The following USP35 variants were observed in gnomAD, a reference collection of about 807,000 sequenced individuals.
USP35 encodes the protein ubiquitin specific peptidase 35, also known as ubiquitin carboxyl-terminal hydrolase 35.
In USP35, 69 loss-of-function variants were observed where a neutral mutation model predicts 83.8. The observed-to-expected ratio is 0.82, with a 90% confidence interval of 0.68 to 1.01. USP35 has a LOEUF of 1.01. Among genes scored for constraint, USP35 ranks in the 50% least tolerant of loss-of-function variants. USP35 has a pLI of 0.00. For synonymous variants in USP35, 714 were observed against 589.5 expected, an observed-to-expected ratio of 1.21 and a Z score of -3.06; for missense variants, 1,503 against 1,362.5, an observed-to-expected ratio of 1.10 and a Z score of -1.62.
the USP35 span, chr11:78,231,894 T>A: frequency 6.6e-6 from 1 of 152,260 alleles, no homozygotes; most frequent in East Asian, 1.9e-4. Context: ...TAGAGTTCTG[T>A]AACTGTCACT....
chr11:78,196,163 A>C lies in USP35; in HGVS notation c.-10-73A>C. 1 of 1,478,638 alleles carries C rather than the reference A, an allele frequency of 6.8e-7. No homozygotes were observed. Among genetic ancestry groups the C allele is most frequent in the African/African-American group, 1.5e-5 (1 of 67,906 alleles). 91.6% of individuals were successfully genotyped at this position (1,478,638 alleles called of 1,614,324 possible). A position where few individuals can be genotyped will look rare whatever the true frequency, so the allele number is the denominator to read the frequency against. On this transcript the variant is annotated intron_variant, in intron 1 of 10. Coordinates refer to ENST00000529308, the MANE Select transcript of USP35 (RefSeq NM_020798.4). The surrounding 1 kb of genome is among the most constrained non-coding windows in gnomAD (Gnocchi z 4.8). ...TGAGTTGCTTGCCCTAAGTCTCAGC[A>C]CTCGGGGACTGCACCGGGAACTCTT...
In USP35 at chr11:78,210,395, T is replaced by G; in HGVS notation, c.2540T>G (p.Leu847Arg). 1 of 1,613,946 alleles carries G rather than the reference T, an allele frequency of 6.2e-7. No homozygotes were observed. Among genetic ancestry groups the G allele is most frequent in the Non-Finnish European group, 8.5e-7 (1 of 1,180,032 alleles). The change falls in exon 10 of 11, where the codon CTC (leucine) becomes CGC (arginine). Residue 847 changes from leucine to arginine, a missense_variant. Physicochemically the swap from Leu to Arg is moderately radical, Grantham distance 102 (BLOSUM62 -2). Transcript: ENST00000529308. ...GGTGGCCGTGGCCAGGCCTATGACC[T>G]CTGCAGTGTGGTGGTGCACTCTGGA... is the stretch of plus-strand genomic sequence containing the variant. ...LAGGRGQAYD[L>R]CSVVVHSGVS...
At chr11:78,221,334 T>TCACCACTGAGGAGATACCTC in the USP35 span, among the ~76,000 whole-genome samples, 1 of 152,180 alleles carries the variant, frequency 6.6e-6, no homozygotes, top group Non-Finnish European at 1.5e-5. Context: ...CGTATGCCTC[T>TCACCACTGAGGAGATACCTC]CACCACTGAG....
the USP35 span, among the ~76,000 whole-genome samples, chr11:78,221,220 GGT>G: frequency 2.0e-5 from 3 of 152,232 alleles, no homozygotes; most frequent in Non-Finnish European, 4.4e-5. Context: ...GTGACTACCA[GGT>G]GCTGGGCAGT....
At position 78,213,975 on chromosome 11, in the gene USP35, T is replaced by TAAGACC. The variant is rs1555089834; in HGVS notation, c.*163_*168dup. On this transcript the variant is annotated 3_prime_UTR_variant, in exon 11 of 11. Coordinates refer to ENST00000529308, the MANE Select transcript of USP35 (RefSeq NM_020798.4). ...ACAGAGATTCTCTCAGATATGGAAG[T>TAAGACC]AAGACCTAAGTCCCTTTCATTGGGG... 8 of 738,260 alleles carry TAAGACC rather than the reference T, an allele frequency of 1.1e-5. No homozygotes were observed. Among genetic ancestry groups the TAAGACC allele is most frequent in the African/African-American group, 3.7e-5 (2 of 53,496 alleles). The allele number at this position is 738,260 out of a possible 1,614,324, so 45.7% of individuals were successfully genotyped here. A position where few individuals can be genotyped will look rare whatever the true frequency, so the allele number is the denominator to read the frequency against.
chr11:78,222,958 C>G, the USP35 span, among the ~76,000 whole-genome samples: 5 of 152,144 alleles, frequency 3.3e-5, no homozygotes, highest in African/African-American at 1.2e-4. Flanking sequence ...CAGGTCGGTG[C>G]AAGCCACAGT....
At chr11:78,191,461 G>T (rs964288153) in intron 1 of USP35, among the ~76,000 whole-genome samples, 2 of 152,202 alleles carry the variant, frequency 1.3e-5, no homozygotes, top group Non-Finnish European at 2.9e-5. Flanking sequence ...TAAGGGGTGG[G>T]CACGTAGTCA....
chr11:78,219,282 G>A (rs898721891), downstream of USP35: 16 of 1,613,238 alleles, frequency 9.9e-6, no homozygotes, highest in African/African-American at 2.0e-4. Flanking sequence ...TCACAGCTTG[G>A]CACCCTTGGA....
rs1339633583 is a variant in USP35 at position 78,208,855 on chromosome 11, A to C, written c.1486-2A>C. On this transcript the variant is annotated splice_acceptor_variant, in intron 8 of 10. Transcript: ENST00000529308. LOFTEE classifies it high-confidence loss of function. ...CCATGCCTTTCGCCTGCCTTGTCCT[A>C]GCGGCCTGCCATTTCCCCAGAGAAC... The C allele has an allele frequency of 6.2e-7, 1 of 1,614,124 alleles. No individual in the cohort carries two copies. The highest frequency in any genetic ancestry group is 8.5e-7 in the Non-Finnish European group (1 of 1,180,002).
chr11:78,202,193 A>G (rs770855115), intron 6 of USP35, among the ~76,000 whole-genome samples: 1 of 152,202 alleles, frequency 6.6e-6, no homozygotes, highest in Non-Finnish European at 1.5e-5. Flanking sequence ...GTTGGTAGGG[A>G]CAGGAGGTCA....
the USP35 span, among the ~76,000 whole-genome samples, chr11:78,233,794 G>A: frequency 1.3e-5 from 2 of 152,086 alleles, no homozygotes; most frequent in African/African-American, 4.8e-5. Flanking sequence ...TTTAGCAGAG[G>A]TTTAGCATGG....
chr11:78,234,863 A>C, the USP35 span, among the ~76,000 whole-genome samples: 2 of 152,008 alleles, frequency 1.3e-5, no homozygotes, highest in Admixed American at 6.6e-5. Context: ...TACAAAAATT[A>C]GCCAAGCATG....
At chr11:78,222,883 G>A in the USP35 span, among the ~76,000 whole-genome samples, 3 of 152,166 alleles carry the variant, frequency 2.0e-5, no homozygotes, top group African/African-American at 4.8e-5. Context: ...GAGCCATGGC[G>A]CCCAGCCAAG....
At chr11:78,190,342 G>A (rs1218437288) in intron 1 of USP35, among the ~76,000 whole-genome samples, 1 of 152,198 alleles carries the variant, frequency 6.6e-6, no homozygotes, top group Admixed American at 6.5e-5. Flanking sequence ...AGTGACCTCT[G>A]TAGGGGCTTT....
At chr11:78,221,869 C>A in the USP35 span, 1 of 836,458 alleles carries the variant, frequency 1.2e-6, no homozygotes, top group East Asian at 2.5e-5. Context: ...CCTCACACAC[C>A]CAGACCTCAG....
chr11:78,199,754 C>T lies in USP35; in HGVS notation c.936+30C>T, dbSNP rs749460095. The T allele has an allele frequency of 1.1e-5, 17 of 1,614,074 alleles. No individual in the cohort carries two copies. The African/African-American group carries it at 2.1e-4, about 20-fold the overall frequency. On this transcript the variant is annotated intron_variant, in intron 4 of 10. Coordinates refer to ENST00000529308, the MANE Select transcript of USP35 (RefSeq NM_020798.4). ...GTGCCCCTGTCCTAGCCCAGAGTTA[C>T]AGCCTTTTGTACTAGGCTCTTGCCA... is the stretch of plus-strand genomic sequence containing the variant.
At chr11:78,226,620 G>GGGGGGGGGGGGGGCC in the USP35 span, 1 of 1,500,546 alleles carries the variant, frequency 6.7e-7, no homozygotes, top group South Asian at 1.1e-5. Flanking sequence ...GCGGGGTGGG[G>GGGGGGGGGGGGGGCC]GAGCTATGGC....
chr11:78,220,687 G>C, the USP35 span, among the ~76,000 whole-genome samples: 5 of 152,172 alleles, frequency 3.3e-5, no homozygotes, highest in African/African-American at 1.2e-4. Context: ...TCAGAGAAGT[G>C]ACTTTGCCTG....
intron 1 of USP35, among the ~76,000 whole-genome samples, chr11:78,194,744 C>T (rs1353864187): frequency 6.6e-6 from 1 of 152,094 alleles, no homozygotes; most frequent in Non-Finnish European, 1.5e-5. Flanking sequence ...TCACACTGCA[C>T]CCTGCATTTG....
Sources: allele counts gnomAD v4.1 joint callset (sites outside exome capture counted in the v4.1 genomes callset), GRCh38; gene constraint gnomAD v4.1.1; non-coding constraint Gnocchi (gnomAD v3.1); transcripts MANE v1.5; gene names NCBI Gene and HGNC (gene_info 2026-07-23, HGNC 2026-07-21).